Variants in AIG1 observed in about 807,000 individuals in gnomAD.
AIG1 encodes the protein androgen induced 1.
AIG1 carries 23 observed loss-of-function variants against 31.4 expected under a neutral mutation model. That is an observed-to-expected ratio of 0.73 (90% confidence interval 0.53 to 1.04). The LOEUF is 1.04. Among genes scored for constraint, AIG1 ranks in the 50% least tolerant of loss-of-function variants. The pLI, the probability that AIG1 is intolerant of heterozygous loss-of-function variation, is 0.00. For missense variants in AIG1, 274 were observed against 295.0 expected (o/e 0.93, Z 0.52); for synonymous variants, 100 against 110.5 (o/e 0.90, Z 0.60).
chr6:143,237,824 A>G (rs1292448909), intron 3 of AIG1, among the ~76,000 whole-genome samples: 1 of 152,244 alleles, frequency 6.6e-6, no homozygotes, highest in African/African-American at 2.4e-5. Context: ...AAACATGACC[A>G]AAAGCTTGAA....
At chr6:143,206,635 C>T (rs781330729) in intron 3 of AIG1, among the ~76,000 whole-genome samples, 5 of 152,000 alleles carry the variant, frequency 3.3e-5, no homozygotes, top group Admixed American at 6.6e-5. Flanking sequence ...TTCTTTTAAC[C>T]CTCTACAACT....
intron 1 of AIG1, among the ~76,000 whole-genome samples, chr6:143,133,328 T>C (rs1783433021): frequency 1.3e-5 from 2 of 152,142 alleles, no homozygotes; most frequent in South Asian, 4.1e-4. Flanking sequence ...TTCTTGGGTC[T>C]CTACTGAATG....
At chr6:143,079,771 A>G (rs1778046264) in intron 1 of AIG1, among the ~76,000 whole-genome samples, 1 of 146,074 alleles carries the variant, frequency 6.8e-6, no homozygotes, top group Admixed American at 6.8e-5. Flanking sequence ...TTTTCTTAGG[A>G]TAGATTCCTT....
At chr6:143,153,857 A>C (rs1389409106) in intron 2 of AIG1, among the ~76,000 whole-genome samples, 1 of 151,970 alleles carries the variant, frequency 6.6e-6, no homozygotes, top group Non-Finnish European at 1.5e-5. Context: ...TAGGGGACCC[A>C]GAACTAGCTA....
At position 143,328,395 on chromosome 6, in the gene AIG1, G is replaced by A. The variant is rs1466558284; in HGVS notation, c.516-4887G>A. ...ATATTCATCAGCTATGAAAAACATT[G>A]GTTTGAAAGAAAGTTAAATACACAA... On this transcript the variant is annotated intron_variant, in intron 4 of 5. Transcript: ENST00000357847. This position sits in a 1 kb window ranked among gnomAD's most constrained non-coding sequence, Gnocchi z 4.0. Among the ~76,000 whole-genome samples the A allele has an allele frequency of 1.3e-5, 2 of 152,064 alleles. No individual in the cohort carries two copies. The highest frequency in any genetic ancestry group is 2.4e-5 in the African/African-American group (1 of 41,404).
chr6:143,200,889 C>A (rs1396746189), intron 3 of AIG1, among the ~76,000 whole-genome samples: 1 of 151,514 alleles, frequency 6.6e-6, no homozygotes, highest in African/African-American at 2.4e-5. Context: ...CAACAAAGCA[C>A]CCACATTTAT....
At chr6:143,060,804 G>GCCCCCGC (rs1227735388), upstream of AIG1, 2 of 25,716 alleles carry the variant, frequency 7.8e-5, no homozygotes, top group African/African-American at 2.9e-4. Flanking sequence ...CCCCGCCCCC[G>GCCCCCGC]CCCCGCCCCG....
At chr6:143,219,158 C>T (rs191100820) in intron 3 of AIG1, among the ~76,000 whole-genome samples, 1 of 152,146 alleles carries the variant, frequency 6.6e-6, no homozygotes, top group African/African-American at 2.4e-5. Flanking sequence ...GTAGCAAATG[C>T]CATATCTGTA....
At chr6:143,141,561 T>A (rs755634928) in intron 2 of AIG1, among the ~76,000 whole-genome samples, 1 of 152,202 alleles carries the variant, frequency 6.6e-6, no homozygotes, top group Non-Finnish European at 1.5e-5. Flanking sequence ...ATCATCCTGA[T>A]TTGTGTAGAT....
intron 1 of AIG1, among the ~76,000 whole-genome samples, chr6:143,127,065 G>T (rs117645956): frequency 1.3e-5 from 2 of 152,250 alleles, no homozygotes; most frequent in East Asian, 3.9e-4. Context: ...GATTTTATAT[G>T]TAGATAGACT....
At chr6:143,187,672 C>T in intron 3 of AIG1, 1 of 1,536,062 alleles carries the variant, frequency 6.5e-7, no homozygotes, top group Non-Finnish European at 8.7e-7. Context: ...TTCAAACGCC[C>T]ATCTGACTTT....
intron 3 of AIG1, among the ~76,000 whole-genome samples, chr6:143,217,776 G>A (rs60022901): frequency 0.035 from 5,353 of 152,176 alleles, 319 homozygotes; most frequent in African/African-American, 0.12. Flanking sequence ...CCCAAAGTGC[G>A]GGGATTACAG....
intron 4 of AIG1, among the ~76,000 whole-genome samples, chr6:143,311,960 A>G (rs1322485848): frequency 1.3e-5 from 2 of 152,086 alleles, no homozygotes; most frequent in Non-Finnish European, 2.9e-5. Flanking sequence ...CCCCTTTACA[A>G]TAGCTACAAG....
At chr6:143,079,430 T>G (rs1778014372) in intron 1 of AIG1, among the ~76,000 whole-genome samples, 1 of 152,068 alleles carries the variant, frequency 6.6e-6, no homozygotes, top group African/African-American at 2.4e-5. Context: ...GGGTCCTTAT[T>G]TATTTTTGCT....
chr6:143,085,745 C>G (rs1306706391), intron 1 of AIG1, among the ~76,000 whole-genome samples: 1 of 152,234 alleles, frequency 6.6e-6, no homozygotes, highest in Non-Finnish European at 1.5e-5. Flanking sequence ...ATTCTCCTAA[C>G]TCTGCTTCCA....
chr6:143,205,441 G>A (rs1791038208), intron 3 of AIG1, among the ~76,000 whole-genome samples: 2 of 152,142 alleles, frequency 1.3e-5, no homozygotes, highest in Admixed American at 1.3e-4. Flanking sequence ...CTTTTGATAA[G>A]TATCTTTAGA....
chr6:143,243,090 C>T lies in AIG1; in HGVS notation c.400-41020C>T, dbSNP rs374924384. ...AGCTGGTTCCTGAGATCAGGCTAGA[C>T]GGTGTTTTTCATACTCCACAAGGCT... On this transcript the variant is annotated intron_variant, in intron 3 of 5. Coordinates refer to ENST00000357847, the MANE Select transcript of AIG1 (RefSeq NM_016108.4). Among the ~76,000 whole-genome samples the T allele has an allele frequency of 9.4e-4, 143 of 152,158 alleles. 1 individual carries two copies. The highest frequency in any genetic ancestry group is 3.0e-3 in the African/African-American group (125 of 41,522).
chr6:143,143,451 A>T (rs990935925), intron 2 of AIG1, among the ~76,000 whole-genome samples: 32 of 133,090 alleles, frequency 2.4e-4, no homozygotes, highest in African/African-American at 8.3e-4. Flanking sequence ...CAGTGAGCCG[A>T]GATCATGCCA....
chr6:143,103,909 AG>A (rs1256018926), intron 1 of AIG1, among the ~76,000 whole-genome samples: 1 of 152,174 alleles, frequency 6.6e-6, no homozygotes, highest in Non-Finnish European at 1.5e-5. Flanking sequence ...CATATTAGTA[AG>A]TGAATGAAAA....
Sources: allele counts gnomAD v4.1 joint callset (sites outside exome capture counted in the v4.1 genomes callset), GRCh38; gene constraint gnomAD v4.1.1; non-coding constraint Gnocchi (gnomAD v3.1); transcripts MANE v1.5; gene names NCBI Gene and HGNC (gene_info 2026-07-23, HGNC 2026-07-21).